Variants in TLN2 observed in about 807,000 individuals in gnomAD.
The protein encoded by TLN2 is talin-2.
TLN2 carries 118 observed loss-of-function variants against 294.7 expected under a neutral mutation model. That is an observed-to-expected ratio of 0.40 (90% CI 0.34 to 0.47). The LOEUF is 0.47. Ranked by LOEUF, TLN2 falls within the 20% of genes least tolerant of loss-of-function variation. TLN2 has a pLI of 0.84. For missense variants in TLN2, 3,083 were observed against 3,282.2 expected (o/e 0.94, Z 1.48); for synonymous variants, 1,431 against 1,304.5 (o/e 1.10, Z -2.09).
At position 62,670,700 on chromosome 15, in the gene TLN2, C is replaced by T. The variant is rs185316583; in HGVS notation, c.789-3127C>T. On this transcript the variant is annotated intron_variant, in intron 9 of 58. Transcript: ENST00000636159. ...ATTGTATGGAGAAACCACATTTTATCCATTAGTTGATGGACTTTTGAGTTA... is the reference window on the plus strand; with the variant it reads ...ATTGTATGGAGAAACCACATTTTATTCATTAGTTGATGGACTTTTGAGTTA... Among the ~76,000 whole-genome samples the T allele has an allele frequency of 5.3e-5, 8 of 152,280 alleles. No individual in the cohort carries two copies. The East Asian group carries it at 1.5e-3, about 29-fold the overall frequency.
At chr15:62,410,106 G>A (rs999656972) in intron 1 of TLN2, among the ~76,000 whole-genome samples, 9 of 152,110 alleles carry the variant, frequency 5.9e-5, no homozygotes, top group African/African-American at 2.2e-4. Flanking sequence ...GCCGGGCGTG[G>A]TGGTGTGCGC....
chr15:62,519,823 T>C (rs2040369417), intron 1 of TLN2, among the ~76,000 whole-genome samples: 1 of 152,256 alleles, frequency 6.6e-6, no homozygotes, highest in African/African-American at 2.4e-5. Context: ...AAAATATTCC[T>C]GAAACTTTAA....
intron 1 of TLN2, among the ~76,000 whole-genome samples, chr15:62,539,863 C>A (rs2041573262): frequency 6.7e-6 from 1 of 150,258 alleles, no homozygotes; most frequent in Non-Finnish European, 1.5e-5. Context: ...AGACCATTAA[C>A]TGATGACATC....
At chr15:62,719,535 G>A (rs1003262177) in intron 24 of TLN2, among the ~76,000 whole-genome samples, 2 of 152,122 alleles carry the variant, frequency 1.3e-5, no homozygotes, top group African/African-American at 4.8e-5. Context: ...GGAATGTATC[G>A]AGACTTCCAG....
chr15:62,422,928 C>T (rs996791969), intron 1 of TLN2, among the ~76,000 whole-genome samples: 4 of 152,142 alleles, frequency 2.6e-5, no homozygotes, highest in Non-Finnish European at 4.4e-5. Flanking sequence ...TTTTGAACAC[C>T]GGTATTGGGA....
intron 1 of TLN2, among the ~76,000 whole-genome samples, chr15:62,490,355 G>A (rs917028659): frequency 6.6e-6 from 1 of 152,090 alleles, no homozygotes; most frequent in Non-Finnish European, 1.5e-5. Flanking sequence ...ACTTATGGGG[G>A]TTATCTCTAT....
intron 8 of TLN2, among the ~76,000 whole-genome samples, chr15:62,657,155 G>GA (rs994970402): frequency 7.9e-5 from 12 of 151,380 alleles, no homozygotes; most frequent in East Asian, 1.9e-4. Context: ...TGAAAAGGTG[G>GA]GGGGGGGAAG....
At chr15:62,651,945 T>C in intron 5 of TLN2, 60 bp from the exon 6 acceptor site, 1 of 1,475,334 alleles carries the variant, frequency 6.8e-7, no homozygotes, top group African/African-American at 1.4e-5. Flanking sequence ...AGAAAAGTGT[T>C]CAAGTTTGTT....
Position 62,833,297 on chromosome 15 carries a change from T to C in TLN2, c.7003-207T>C, listed in dbSNP as rs537772220. ...TCCACACTGTGACCCGAGGGTGGCT[T>C]AACCAAACTGACTTAAGAGTCCTGA... is the stretch of plus-strand genomic sequence containing the variant. On this transcript the variant is annotated intron_variant, in intron 54 of 58. Coordinates refer to ENST00000636159, the MANE Select transcript of TLN2 (RefSeq NM_015059.3). 120 of 657,786 alleles carry C rather than the reference T, an allele frequency of 1.8e-4. 1 individual carries two copies. The highest frequency in any genetic ancestry group is 8.1e-4 in the Middle Eastern group (2 of 2,472). The allele number at this position is 657,786 out of a possible 1,614,324, so 40.7% of individuals were successfully genotyped here.
rs183879312 is a variant in TLN2, at chr15:62,786,851, T to C, written c.5736+2961T>C. ...TAAATGCAGTTTTTGCCATTACTTT[T>C]AGTGGCAAAAACCGCAATTACTTTT... On this transcript the variant is annotated intron_variant, in intron 45 of 58. Transcript: ENST00000636159. Among the ~76,000 whole-genome samples the C allele has an allele frequency of 2.0e-5, 3 of 152,350 alleles. No homozygotes were observed. The East Asian group carries it at 5.8e-4, about 29-fold the overall frequency.
At chr15:62,648,196 A>C (rs924187127) in intron 4 of TLN2, among the ~76,000 whole-genome samples, 1 of 152,106 alleles carries the variant, frequency 6.6e-6, no homozygotes, top group African/African-American at 2.4e-5. Flanking sequence ...CAAGGCGGGA[A>C]GATCGCTTGA....
intron 2 of TLN2, among the ~76,000 whole-genome samples, chr15:62,604,292 G>A (rs562261544): frequency 6.6e-6 from 1 of 151,906 alleles, no homozygotes; most frequent in Admixed American, 6.6e-5. Flanking sequence ...GAGGTGGGAG[G>A]ATTACTTGAG....
intron 15 of TLN2, among the ~76,000 whole-genome samples, 182 bp from the exon 16 acceptor site, chr15:62,698,572 A>G (rs1342095020): frequency 1.3e-5 from 2 of 152,290 alleles, no homozygotes; most frequent in East Asian, 1.9e-4. Context: ...TGTTCTATTA[A>G]TATAATGCAG....
intron 11 of TLN2, among the ~76,000 whole-genome samples, chr15:62,678,793 T>A (rs922826767): frequency 5.9e-5 from 9 of 152,198 alleles, no homozygotes; most frequent in African/African-American, 2.2e-4. Context: ...ATTGCACTAC[T>A]GCACTCCCAC....
At chr15:62,819,443 A>G (rs1163923674) in intron 52 of TLN2, 73 bp from the exon 53 acceptor site, 10 of 1,260,680 alleles carry the variant, frequency 7.9e-6, no homozygotes, top group Non-Finnish European at 1.2e-5. Flanking sequence ...ACATCCAGCA[A>G]GAGGAGTGTG....
chr15:62,481,599 G>T (rs914889664), intron 1 of TLN2, among the ~76,000 whole-genome samples: 1 of 151,924 alleles, frequency 6.6e-6, no homozygotes, highest in Non-Finnish European at 1.5e-5. Flanking sequence ...GGGCTCACAC[G>T]ATCCTCCCAC....
chr15:62,795,700 C>G (rs538386654), intron 46 of TLN2, among the ~76,000 whole-genome samples: 1 of 152,140 alleles, frequency 6.6e-6, no homozygotes, highest in African/African-American at 2.4e-5. Context: ...GGGATGTAAT[C>G]GCCACACCTT....
At chr15:62,732,489 G>T (rs952442912) in intron 28 of TLN2, among the ~76,000 whole-genome samples, 8 of 152,176 alleles carry the variant, frequency 5.3e-5, no homozygotes, top group Non-Finnish European at 1.2e-4. Context: ...TTAGGCCAGG[G>T]TCAGATCCTA....
intron 3 of TLN2, among the ~76,000 whole-genome samples, chr15:62,629,765 T>C (rs1015850202): frequency 2.0e-5 from 3 of 152,222 alleles, no homozygotes; most frequent in Admixed American, 6.5e-5. Flanking sequence ...TGTATGTTTT[T>C]GAGTACATTT....
Sources: allele counts gnomAD v4.1 joint callset (sites outside exome capture counted in the v4.1 genomes callset), GRCh38; gene constraint gnomAD v4.1.1; transcripts MANE v1.5; gene names NCBI Gene and HGNC (gene_info 2026-07-23, HGNC 2026-07-21).